DNAH5: variants seen among roughly 807,000 people sequenced by gnomAD.
The protein encoded by DNAH5 is axonemal beta dynein heavy chain 5.
DNAH5 carries 372 observed loss-of-function variants against 518.2 expected under a neutral mutation model. The ratio of observed to expected loss-of-function variants is 0.72; its 90% CI spans 0.66 to 0.78. The LOEUF is 0.78. Among genes scored for constraint, DNAH5 ranks in the 30% least tolerant of loss-of-function variants. The pLI, the probability that DNAH5 is intolerant of heterozygous loss-of-function variation, is 0.00. For synonymous variants in DNAH5, 2,039 were observed against 2,025.9 expected, an observed-to-expected ratio of 1.01 and a Z score of -0.17; for missense variants, 5,523 against 5,687.0, an observed-to-expected ratio of 0.97 and a Z score of 0.93.
intron 33 of DNAH5, 121 bp downstream of exon 33, chr5:13,841,571 T>G: frequency 1.3e-6 from 1 of 767,098 alleles, no homozygotes; most frequent in South Asian, 1.6e-5. Flanking sequence ...TGGGTCCTTA[T>G]GAAAATCTTA....
chr5:13,955,981 G>A (rs1780739212), intron 1 of DNAH5, among the ~76,000 whole-genome samples: 1 of 152,108 alleles, frequency 6.6e-6, no homozygotes, highest in Non-Finnish European at 1.5e-5. Flanking sequence ...AAGAAAAACA[G>A]AACAAGAATC....
At chr5:13,984,665 T>G (rs1490429512) in intron 1 of DNAH5, among the ~76,000 whole-genome samples, 1 of 152,222 alleles carries the variant, frequency 6.6e-6, no homozygotes, top group Non-Finnish European at 1.5e-5. Context: ...GGCTGTGGGT[T>G]TGTCATAAAT....
intron 47 of DNAH5, among the ~76,000 whole-genome samples, chr5:13,800,494 T>C (rs1758580128): frequency 6.6e-6 from 1 of 152,160 alleles, no homozygotes; most frequent in Non-Finnish European, 1.5e-5. Context: ...CTAACAACAC[T>C]GAGTTTTTCT....
At chr5:13,909,410 T>C (rs1561550512) in intron 12 of DNAH5, among the ~76,000 whole-genome samples, 1 of 152,126 alleles carries the variant, frequency 6.6e-6, no homozygotes, top group Non-Finnish European at 1.5e-5. Context: ...TACTCACCTA[T>C]TTTCAGACCA....
At chr5:13,974,934 T>C (rs933417269) in intron 1 of DNAH5, among the ~76,000 whole-genome samples, 1 of 152,124 alleles carries the variant, frequency 6.6e-6, no homozygotes, top group Admixed American at 6.5e-5. Context: ...TATAGCATGA[T>C]GTTCCAGGGC....
At chr5:13,913,711 A>C (rs377081071) in intron 11 of DNAH5, 32 bp downstream of exon 11, 13 of 1,611,120 alleles carry the variant, frequency 8.1e-6, no homozygotes, top group African/African-American at 2.7e-5. Context: ...GTTGTGGATT[A>C]TGTTATAAAA....
intron 1 of DNAH5, among the ~76,000 whole-genome samples, chr5:13,964,886 C>A (rs545016311): frequency 2.0e-5 from 3 of 152,310 alleles, no homozygotes; most frequent in Admixed American, 2.0e-4. Context: ...TCATTTCTCA[C>A]CCTAAATCTC....
rs138045391 is a variant in DNAH5 at position 13,716,687 on chromosome 5, C to A, written c.12709G>T (p.Val4237Phe). ...HLDDMDVKKG[V>F]SWTTIRYMIG... ...ATGTAGCGGATGGTGGTCCAGGAGA[C>A]ACCCTGGGAAATTTTATAGAATAAT... is the stretch of plus-strand genomic sequence containing the variant. Residue 4237 changes from valine (V) to phenylalanine (F), a missense_variant, in exon 74 of 79, where the codon GTC becomes TTC. Coordinates refer to ENST00000265104, the MANE Select transcript of DNAH5 (RefSeq NM_001369.3). 1.2e-4 allele frequency: 196 copies of A among 1,609,962 alleles called. No homozygotes were observed. In the Middle Eastern group the frequency reaches 5.5e-3, roughly 45 times the overall value.
upstream of DNAH5, among the ~76,000 whole-genome samples, chr5:13,946,355 T>A (rs536835222): frequency 2.0e-5 from 3 of 152,132 alleles, no homozygotes; most frequent in African/African-American, 7.2e-5. Flanking sequence ...AGCCTTCCAG[T>A]CTGTGTGGCT....
intron 76 of DNAH5, among the ~76,000 whole-genome samples, chr5:13,706,277 T>G (rs1293878744): frequency 3.9e-5 from 6 of 152,210 alleles, no homozygotes; most frequent in Non-Finnish European, 8.8e-5. Flanking sequence ...GATTTCCCCC[T>G]CCTTCCAACC....
At chr5:13,991,759 A>G (rs1783570368) in intron 1 of DNAH5, among the ~76,000 whole-genome samples, 1 of 152,124 alleles carries the variant, frequency 6.6e-6, no homozygotes, top group Non-Finnish European at 1.5e-5. Context: ...GAAAGGGGAT[A>G]CAAATATATC....
In DNAH5 at chr5:13,851,309, A is replaced by G. The variant is rs1169879174; in HGVS notation, c.4951-494T>C. Among the ~76,000 whole-genome samples the G allele has an allele frequency of 2.0e-5, 3 of 152,210 alleles. No homozygotes were observed. The East Asian group carries it at 5.8e-4, about 29-fold the overall frequency. ...TATCTTGAGAGGGCAGGAATCATAT[A>G]AATTTTCTTCCTTTTTTAAGACAGG... On this transcript the variant is annotated intron_variant, in intron 30 of 78. Coordinates refer to ENST00000265104, the MANE Select transcript of DNAH5 (RefSeq NM_001369.3).
chr5:13,997,123 G>C (rs1784019448), intron 1 of DNAH5, among the ~76,000 whole-genome samples: 1 of 152,190 alleles, frequency 6.6e-6, no homozygotes, highest in African/African-American at 2.4e-5. Flanking sequence ...GGCCCTAGTA[G>C]AGCCACATCC....
intron 48 of DNAH5, 68 bp downstream of exon 48, chr5:13,793,868 T>A (rs1006233628): frequency 4.3e-5 from 68 of 1,569,378 alleles, no homozygotes; most frequent in East Asian, 2.1e-4. Context: ...AAAAAATTTT[T>A]AAAAACTCTT....
intron 1 of DNAH5, among the ~76,000 whole-genome samples, chr5:13,958,956 TTTGTTGTTG>T (rs112550386): frequency 6.6e-6 from 1 of 151,876 alleles, no homozygotes; most frequent in Admixed American, 6.6e-5. Context: ...CAACAGCCTT[TTTGTTGTTG>T]TTGTTGTTGT....
rs1425718994 is a variant in DNAH5, at chr5:13,901,270, G to T, written c.2034C>A (p.His678Gln). 1.2e-6 allele frequency: 2 copies of T among 1,613,890 alleles called. No individual in the cohort carries two copies. Among genetic ancestry groups the T allele is most frequent in the African/African-American group, 2.7e-5 (2 of 74,920 alleles). ...GACTCACTTGCCGAAGCCACGCCCTGTGGAAGAGGACCTCAAACTCCAGGA... is the reference window on the plus strand; with the variant it reads ...GACTCACTTGCCGAAGCCACGCCCTTTGGAAGAGGACCTCAAACTCCAGGA... ...KVLLEFEVLF[H>Q]RAWLRQIEEI... is the part of the protein sequence containing the mutation. The change falls in exon 14 of 79, where the codon CAC (histidine) becomes CAA (glutamine). Residue 678 changes from histidine to glutamine, a missense_variant. His to Gln is a conservative substitution (Grantham distance 24). Around this residue, in one of 3 missense-constraint regions of DNAH5, gnomAD observed 5,121 missense variants for 5,223.3 expected, o/e 0.98. Coordinates refer to ENST00000265104, the MANE Select transcript of DNAH5 (RefSeq NM_001369.3).
rs1491156589 is a variant in DNAH5, at chr5:13,842,432, A to AG, written c.5272-529_5272-528insC. ...AGAAAGAAAAGAAAAGAAAAGAAAG[A>AG]AAGAAAGAAAGAAAGAAAGAAAGAA... On this transcript the variant is annotated intron_variant, in intron 32 of 78. Coordinates refer to ENST00000265104, the MANE Select transcript of DNAH5 (RefSeq NM_001369.3). Among the ~76,000 whole-genome samples, 411 of 75,682 alleles carry AG rather than the reference A, an allele frequency of 5.4e-3. 14 individuals are homozygous for AG. Among genetic ancestry groups the AG allele is most frequent in the African/African-American group, 0.013 (254 of 19,198 alleles). 49.7% of individuals were successfully genotyped at this position (75,682 alleles called of 152,430 possible). A position where few individuals can be genotyped will look rare whatever the true frequency, so the allele number is the denominator to read the frequency against.
chr5:13,883,944 C>T (rs1247249971), intron 19 of DNAH5, among the ~76,000 whole-genome samples: 1 of 151,932 alleles, frequency 6.6e-6, no homozygotes, highest in Non-Finnish European at 1.5e-5. Flanking sequence ...TGTCAATATT[C>T]AAAATATATT....
intron 22 of DNAH5, among the ~76,000 whole-genome samples, chr5:13,875,672 A>G (rs10036220): frequency 0.97 from 148,099 of 152,194 alleles, 72,070 homozygotes; most frequent in Non-Finnish European, 0.98. Context: ...TGTTATCATG[A>G]AATACTTTGC....
Sources: allele counts gnomAD v4.1 joint callset (sites outside exome capture counted in the v4.1 genomes callset), GRCh38; gene constraint gnomAD v4.1.1; regional missense constraint gnomAD v4.1.1; transcripts MANE v1.5; gene names NCBI Gene and HGNC (gene_info 2026-07-23, HGNC 2026-07-21).